The following CLVS1 variants were observed in gnomAD, a reference collection of about 807,000 sequenced individuals.
The protein encoded by CLVS1 is clavesin-1.
A neutral mutation model predicts 33.1 loss-of-function variants in CLVS1; 10 were observed. The observed-to-expected ratio is 0.30, with a 90% CI of 0.19 to 0.51. The LOEUF is 0.51. Among genes scored for constraint, CLVS1 ranks in the 20% least tolerant of loss-of-function variants. The pLI is 0.97. For missense variants in CLVS1, 343 were observed against 433.4 expected (o/e 0.79, Z 1.85); for synonymous variants, 163 against 166.1 (o/e 0.98, Z 0.14).
the CLVS1 span, among the ~76,000 whole-genome samples, chr8:60,994,696 G>A: frequency 5.9e-5 from 9 of 152,244 alleles, no homozygotes; most frequent in South Asian, 4.1e-4. Flanking sequence ...TTGGCAATGC[G>A]GGCTCTTTTT....
At chr8:61,002,335 T>TG in the CLVS1 span, among the ~76,000 whole-genome samples, 1 of 149,082 alleles carries the variant, frequency 6.7e-6, no homozygotes, top group South Asian at 2.2e-4. Context: ...TTGTTTTTTT[T>TG]TTTTTTTTTT....
chr8:61,187,894 G>A (rs1807375815), intron 2 of CLVS1, among the ~76,000 whole-genome samples: 1 of 150,958 alleles, frequency 6.6e-6, no homozygotes, highest in African/African-American at 2.4e-5. Context: ...TAGAATATAG[G>A]ATATAATAGG....
At chr8:61,129,625 C>T (rs147684358) in intron 1 of CLVS1, among the ~76,000 whole-genome samples, 276 of 152,254 alleles carry the variant, frequency 1.8e-3, no homozygotes, top group African/African-American at 6.1e-3. Context: ...CCAATAAGGC[C>T]ACTTTCTGGT....
intron 2 of CLVS1, among the ~76,000 whole-genome samples, chr8:61,143,270 T>C (rs529653491): frequency 6.6e-6 from 1 of 152,334 alleles, no homozygotes; most frequent in East Asian, 1.9e-4. Context: ...GTGCAGCAAC[T>C]GTGGTGACCG....
the CLVS1 span, among the ~76,000 whole-genome samples, chr8:60,987,227 T>A: frequency 6.6e-6 from 1 of 152,212 alleles, no homozygotes; most frequent in African/African-American, 2.4e-5. Flanking sequence ...TGCATGCTCA[T>A]GTGTCTGGAA....
At chr8:61,336,984 G>A (rs1310622258) in intron 2 of CLVS1, among the ~76,000 whole-genome samples, 1 of 152,192 alleles carries the variant, frequency 6.6e-6, no homozygotes, top group African/African-American at 2.4e-5. Flanking sequence ...TTCAGTACTG[G>A]TTTTTGTGGG....
intron 2 of CLVS1, among the ~76,000 whole-genome samples, chr8:61,273,250 G>T (rs10090352): frequency 6.6e-6 from 1 of 151,864 alleles, no homozygotes; most frequent in South Asian, 2.1e-4. Context: ...ATACCCTGCC[G>T]TGTGAGGTGT....
chr8:61,396,220 G>A (rs1260584517), intron 3 of CLVS1, among the ~76,000 whole-genome samples: 1 of 152,034 alleles, frequency 6.6e-6, no homozygotes, highest in African/African-American at 2.4e-5. Context: ...GTCTAGGTTT[G>A]CTTTAATTCA....
chr8:61,461,925 C>T (rs1586008243), intron 5 of CLVS1, among the ~76,000 whole-genome samples: 2 of 141,228 alleles, frequency 1.4e-5, no homozygotes, highest in South Asian at 4.3e-4. Flanking sequence ...TGGGAAAACG[C>T]CATGTCATTT....
At chr8:61,404,712 A>C (rs1814914427) in intron 3 of CLVS1, among the ~76,000 whole-genome samples, 2 of 152,156 alleles carry the variant, frequency 1.3e-5, no homozygotes, top group South Asian at 4.1e-4. Flanking sequence ...CAGGGAGGGA[A>C]TTTGTCCAGG....
chr8:61,485,399 C>T (rs1421648313), intron 5 of CLVS1, among the ~76,000 whole-genome samples: 1 of 152,144 alleles, frequency 6.6e-6, no homozygotes, highest in Non-Finnish European at 1.5e-5. Flanking sequence ...AATGAGATAC[C>T]ATCTCACACC....
chr8:61,160,630 T>A (rs988695717), intron 2 of CLVS1, among the ~76,000 whole-genome samples: 6 of 152,246 alleles, frequency 3.9e-5, no homozygotes, highest in African/African-American at 1.4e-4. Flanking sequence ...GATTTTTTTT[T>A]TCCTGAGATT....
intron 1 of CLVS1, among the ~76,000 whole-genome samples, chr8:61,288,386 G>A (rs1809854037): frequency 1.3e-5 from 2 of 152,214 alleles, no homozygotes; most frequent in African/African-American, 4.8e-5. Context: ...CACCATCACC[G>A]TCATCATAGC....
chr8:61,038,532 A>G, the CLVS1 span, among the ~76,000 whole-genome samples: 1 of 151,766 alleles, frequency 6.6e-6, no homozygotes, highest in Non-Finnish European at 1.5e-5. Context: ...TTGTCCCAGA[A>G]TGGAATAAGT....
Position 61,189,794 on chromosome 8 carries a change from A to G in CLVS1, c.-152+57934A>G, listed in dbSNP as rs529241182. ...ACAAAGAAGTCCATTACATAATGGT[A>G]AAGGGATCAATTCAACAAGAAGAGC... On this transcript the variant is annotated intron_variant, in intron 2 of 2. Transcript: ENST00000522621. Among the ~76,000 whole-genome samples the G allele has an allele frequency of 3.0e-4, 45 of 152,338 alleles. No homozygotes were observed. The South Asian group carries it at 9.1e-3, about 31-fold the overall frequency.
chr8:61,367,481 A>G (rs1023569723), intron 2 of CLVS1, among the ~76,000 whole-genome samples: 8 of 152,174 alleles, frequency 5.3e-5, no homozygotes, highest in African/African-American at 1.9e-4. Flanking sequence ...AGACTTTCCA[A>G]AACTCCCCAA....
intron 2 of CLVS1, among the ~76,000 whole-genome samples, chr8:61,338,166 A>G (rs912677065): frequency 4.6e-5 from 7 of 152,268 alleles, no homozygotes; most frequent in African/African-American, 1.7e-4. Context: ...TTGTGTCCCT[A>G]CAATGCCAGA....
At chr8:61,197,364 G>C (rs1268416162) in intron 2 of CLVS1, among the ~76,000 whole-genome samples, 1 of 152,036 alleles carries the variant, frequency 6.6e-6, no homozygotes, top group Non-Finnish European at 1.5e-5. Context: ...GGGTTCTCTT[G>C]GGTTTGTTTC....
intron 2 of CLVS1, among the ~76,000 whole-genome samples, chr8:61,247,747 C>G (rs1346566286): frequency 6.6e-6 from 1 of 152,140 alleles, no homozygotes; most frequent in Non-Finnish European, 1.5e-5. Flanking sequence ...TGTAGACTGT[C>G]TGTTGATAGT....
Sources: allele counts gnomAD v4.1 joint callset (sites outside exome capture counted in the v4.1 genomes callset), GRCh38; gene constraint gnomAD v4.1.1; transcripts MANE v1.5; gene names NCBI Gene and HGNC (gene_info 2026-07-23, HGNC 2026-07-21).